EXOC4: variants seen among roughly 807,000 people sequenced by gnomAD.
EXOC4 encodes the protein exocyst complex component 4.
A neutral mutation model predicts 107.2 loss-of-function variants in EXOC4; 71 were observed. The observed-to-expected ratio is 0.66, with a 90% CI of 0.55 to 0.81. The LOEUF (loss-of-function observed/expected upper bound fraction) is 0.81. Among genes scored for constraint, EXOC4 ranks in the 30% least tolerant of loss-of-function variants. EXOC4 has a pLI of 0.00. For missense variants in EXOC4, 1,108 were observed against 1,189.6 expected (o/e 0.93, Z 1.01); for synonymous variants, 456 against 441.2 (o/e 1.03, Z -0.42).
intron 9 of EXOC4, among the ~76,000 whole-genome samples, chr7:133,493,092 A>G (rs1799406114): frequency 1.3e-5 from 2 of 152,192 alleles, no homozygotes; most frequent in Admixed American, 1.3e-4. Flanking sequence ...ATAGGGCCAT[A>G]GTGATGACGA....
At chr7:134,063,295 G>A (rs575415521) in intron 17 of EXOC4, among the ~76,000 whole-genome samples, 1 of 152,202 alleles carries the variant, frequency 6.6e-6, no homozygotes, top group Non-Finnish European at 1.5e-5. Flanking sequence ...GTCTTCCTCA[G>A]TCCCACACCA....
chr7:133,944,733 G>A (rs1292581867), intron 14 of EXOC4, among the ~76,000 whole-genome samples: 2 of 152,098 alleles, frequency 1.3e-5, no homozygotes, highest in Non-Finnish European at 2.9e-5. Flanking sequence ...AAACAATTAT[G>A]CAGTTGATAA....
At chr7:133,972,041 CA>C (rs1801252887) in intron 14 of EXOC4, among the ~76,000 whole-genome samples, 1 of 69,694 alleles carries the variant, frequency 1.4e-5, no homozygotes, top group East Asian at 4.3e-4. Flanking sequence ...ACATCCCAAG[CA>C]AAAACTCTAG....
At chr7:133,555,783 A>T (rs777976690) in intron 9 of EXOC4, among the ~76,000 whole-genome samples, 1 of 152,150 alleles carries the variant, frequency 6.6e-6, no homozygotes, top group Non-Finnish European at 1.5e-5. Context: ...CAAAATTTTG[A>T]ATTTTTGTAC....
rs578076026 is a variant in EXOC4 at position 133,655,863 on chromosome 7, A to G, written c.1514+25722A>G. On this transcript the variant is annotated intron_variant, in intron 10 of 17. Transcript: ENST00000253861. ...AAAGCCGAGTATGGTAAATACGTAA[A>G]CCAGTGACATTGTTGTTTGTTATTC... Among the ~76,000 whole-genome samples, 15 of 152,330 alleles carry G rather than the reference A, an allele frequency of 9.8e-5. No homozygotes were observed. The South Asian group carries it at 2.9e-3, about 29-fold the overall frequency.
chr7:133,508,224 G>A (rs1241217698), intron 9 of EXOC4, among the ~76,000 whole-genome samples: 3 of 152,006 alleles, frequency 2.0e-5, no homozygotes, highest in Admixed American at 6.5e-5. Context: ...GAAATATGAA[G>A]TATTTCCCGA....
At chr7:133,990,605 G>A (rs930139569) in intron 14 of EXOC4, among the ~76,000 whole-genome samples, 2 of 151,944 alleles carry the variant, frequency 1.3e-5, no homozygotes, top group Non-Finnish European at 2.9e-5. Context: ...ACAGGCACGT[G>A]CCACCATGCC....
At chr7:133,824,154 G>T (rs1362315916) in intron 11 of EXOC4, among the ~76,000 whole-genome samples, 1 of 150,984 alleles carries the variant, frequency 6.6e-6, no homozygotes, top group Admixed American at 6.6e-5. Context: ...TAGAATCTGT[G>T]TCACAGCAAC....
rs558586161 is a variant in EXOC4 at position 133,420,105 on chromosome 7, T to A, written c.1182+45103T>A. On this transcript the variant is annotated intron_variant, in intron 7 of 17. Transcript: ENST00000253861. ...ATCTAGCATTAGGTATATCTCCTAA[T>A]GCTATCCCTCCCCCCTCCCCCCACC... Among the ~76,000 whole-genome samples the A allele has an allele frequency of 1.7e-3, 253 of 144,956 alleles. 2 individuals are homozygous for A. The highest frequency in any genetic ancestry group is 6.2e-3 in the African/African-American group (243 of 39,156).
At chr7:134,053,568 A>G (rs1232653252) in intron 17 of EXOC4, among the ~76,000 whole-genome samples, 1 of 149,398 alleles carries the variant, frequency 6.7e-6, no homozygotes, top group Admixed American at 6.7e-5. Context: ...TTTTATATAT[A>G]TATATTTAAA....
chr7:133,439,472 C>T (rs1393119591), intron 7 of EXOC4, among the ~76,000 whole-genome samples: 2 of 151,998 alleles, frequency 1.3e-5, no homozygotes, highest in East Asian at 1.9e-4. Context: ...TGTGAGCCAC[C>T]GCACCCAGCC....
intron 1 of EXOC4, among the ~76,000 whole-genome samples, chr7:133,269,190 C>G (rs923289988): frequency 1.3e-5 from 2 of 152,196 alleles, no homozygotes; most frequent in African/African-American, 4.8e-5. Flanking sequence ...TTGGTGCTCT[C>G]TTTCCATCCC....
At chr7:133,336,932 A>C (rs982460362) in intron 5 of EXOC4, among the ~76,000 whole-genome samples, 9 of 151,862 alleles carry the variant, frequency 5.9e-5, no homozygotes, top group Non-Finnish European at 1.3e-4. Context: ...ACGGGGTTTC[A>C]CTATGTTGGG....
rs564175880 is a variant in EXOC4 at position 133,315,954 on chromosome 7, A to G, written c.657-1330A>G. 3.3e-5 allele frequency among the ~76,000 whole-genome samples: 5 copies of G among 152,284 alleles called. No homozygotes were observed. The South Asian group carries it at 1.0e-3, about 32-fold the overall frequency. On this transcript the variant is annotated intron_variant, in intron 4 of 17. Coordinates refer to ENST00000253861, the MANE Select transcript of EXOC4 (RefSeq NM_021807.4). ...ATTCCCTGTTTCCCTGTAACAAGTCAAAAGGGAGACGTTAATGACTGTCAT... is the reference window on the plus strand; with the variant it reads ...ATTCCCTGTTTCCCTGTAACAAGTCGAAAGGGAGACGTTAATGACTGTCAT...
intron 13 of EXOC4, among the ~76,000 whole-genome samples, chr7:133,932,675 C>G (rs539250136): frequency 1.3e-5 from 2 of 152,194 alleles, no homozygotes; most frequent in Non-Finnish European, 2.9e-5. Flanking sequence ...AAGACATTCT[C>G]TTATGTACCC....
At chr7:133,711,489 TG>T (rs1307194896) in intron 10 of EXOC4, among the ~76,000 whole-genome samples, 1 of 152,218 alleles carries the variant, frequency 6.6e-6, no homozygotes, top group Non-Finnish European at 1.5e-5. Flanking sequence ...AATTCATGGA[TG>T]TTTTTAGGGA....
intron 7 of EXOC4, among the ~76,000 whole-genome samples, chr7:133,377,864 T>C (rs537754987): frequency 1.4e-4 from 21 of 152,316 alleles, no homozygotes; most frequent in Admixed American, 3.3e-4. Context: ...TGTATGTCAA[T>C]CTAAGAATGC....
the EXOC4 span, among the ~76,000 whole-genome samples, chr7:134,077,730 GCC>G: frequency 6.6e-6 from 1 of 152,314 alleles, no homozygotes; most frequent in African/African-American, 2.4e-5. Flanking sequence ...CATGACTGTT[GCC>G]AAGCAACCCA....
chr7:133,718,059 T>A (rs1795033678), intron 10 of EXOC4, among the ~76,000 whole-genome samples: 1 of 152,202 alleles, frequency 6.6e-6, no homozygotes, highest in Non-Finnish European at 1.5e-5. Context: ...AGATTCCATC[T>A]AAGTCTCCAT....
Sources: allele counts gnomAD v4.1 joint callset (sites outside exome capture counted in the v4.1 genomes callset), GRCh38; gene constraint gnomAD v4.1.1; transcripts MANE v1.5; gene names NCBI Gene and HGNC (gene_info 2026-07-23, HGNC 2026-07-21).